VPS26B: variants seen among roughly 807,000 people sequenced by gnomAD.
The protein encoded by VPS26B is vacuolar protein sorting-associated protein 26B.
Under a neutral mutation model 33.3 loss-of-function variants are expected in VPS26B, and 10 were observed. The observed-to-expected ratio is 0.30, with a 90% CI of 0.19 to 0.51. VPS26B has a LOEUF of 0.51. VPS26B is among the 20% of genes least tolerant of loss of function. The probability of loss-of-function intolerance (pLI) is 0.98; values close to 1 mark genes in which losing one functional copy is unlikely to be tolerated. For synonymous variants in VPS26B, 190 were observed against 176.9 expected (o/e 1.07, Z -0.59); for missense variants, 317 against 452.7 (o/e 0.70, Z 2.72).
intron 1 of VPS26B, among the ~76,000 whole-genome samples, chr11:134,227,009 T>C (rs184658408): frequency 1.2e-4 from 19 of 152,266 alleles, no homozygotes; most frequent in Non-Finnish European, 2.4e-4. Flanking sequence ...TGCTTCTGGG[T>C]TCAATGGTGG....
At position 134,245,090 on chromosome 11, in the gene VPS26B, A is replaced by G. The variant is rs1174769399; in HGVS notation, c.864+10A>G. On this transcript the variant is annotated intron_variant, in intron 5 of 5. Transcript: ENST00000281187. This position sits in a 1 kb window ranked among gnomAD's most constrained non-coding sequence, Gnocchi z 4.7. Reference sequence around the variant, plus strand: ...CTACTTCAAGCAGCAGGTGAGGGCCAGGCTCCTCCAGGCCCCGATGCCCTT... The same window carrying G: ...CTACTTCAAGCAGCAGGTGAGGGCCGGGCTCCTCCAGGCCCCGATGCCCTT... 6.2e-7 allele frequency: 1 copy of G among 1,613,538 alleles called. No homozygotes were observed. Among genetic ancestry groups the G allele is most frequent in the African/African-American group, 1.3e-5 (1 of 74,942 alleles).
At chr11:134,235,254 G>A (rs2136049144) in intron 2 of VPS26B, 1 of 592,490 alleles carries the variant, frequency 1.7e-6, no homozygotes, top group South Asian at 2.2e-5. Context: ...GTCAATTTCT[G>A]TAGTGTACAT....
At chr11:134,228,980 C>T (rs975742012) in intron 1 of VPS26B, among the ~76,000 whole-genome samples, 1 of 152,174 alleles carries the variant, frequency 6.6e-6, no homozygotes, top group African/African-American at 2.4e-5. Flanking sequence ...TTTATCCTGT[C>T]ACTTGCTGTG....
intron 2 of VPS26B, among the ~76,000 whole-genome samples, chr11:134,238,252 G>A (rs186757004): frequency 6.6e-6 from 1 of 152,324 alleles, no homozygotes; most frequent in East Asian, 1.9e-4. Context: ...GAGGTCTTGA[G>A]AGGGAGAGGT....
chr11:134,234,729 A>AGG (rs1221843896), intron 1 of VPS26B, among the ~76,000 whole-genome samples, 168 bp from the exon 2 acceptor site: 1 of 152,122 alleles, frequency 6.6e-6, no homozygotes, highest in Non-Finnish European at 1.5e-5. Flanking sequence ...GAGAAGAAGG[A>AGG]GGGAGTGAAA....
intron 2 of VPS26B, among the ~76,000 whole-genome samples, chr11:134,238,697 G>A (rs951915600): frequency 9.9e-5 from 15 of 152,254 alleles, no homozygotes; most frequent in South Asian, 8.3e-4. Context: ...CTGGGTTCAC[G>A]CCATTCTCCT....
At position 134,239,987 on chromosome 11, in the gene VPS26B, A is replaced by G. The variant is rs763395690; in HGVS notation, c.381-4A>G. ...TTTATTCATGACAGTTCCGTCTCCT[A>G]CAGCTATTTCCTTCGTGCTACCATC... On this transcript the variant is annotated splice_polypyrimidine_tract_variant and splice_region_variant and intron_variant, in intron 2 of 5. Transcript: ENST00000281187. The G allele has an allele frequency of 4.3e-6, 7 of 1,613,994 alleles. No individual in the cohort carries two copies. The highest frequency in any genetic ancestry group is 5.9e-6 in the Non-Finnish European group (7 of 1,180,022).
intron 2 of VPS26B, among the ~76,000 whole-genome samples, chr11:134,239,499 A>G (rs567567848): frequency 6.6e-6 from 1 of 152,230 alleles, no homozygotes; most frequent in South Asian, 2.1e-4. Flanking sequence ...AGAAAGGTTT[A>G]TTGGGACACT....
intron 1 of VPS26B, among the ~76,000 whole-genome samples, chr11:134,231,018 A>G (rs1280087253): frequency 2.6e-5 from 4 of 152,352 alleles, no homozygotes; most frequent in East Asian, 1.9e-4. Context: ...TGTAAGGAGC[A>G]CTGCAAGGAA....
intron 2 of VPS26B, among the ~76,000 whole-genome samples, chr11:134,238,658 TG>T (rs1242963537): frequency 3.3e-5 from 5 of 152,180 alleles, no homozygotes; most frequent in Non-Finnish European, 7.3e-5. Flanking sequence ...TGCAGTGGCT[TG>T]ATCTCGGCTC....
intron 2 of VPS26B, 106 bp downstream of exon 2, chr11:134,235,159 G>A: frequency 7.0e-7 from 1 of 1,419,102 alleles, no homozygotes; most frequent in Non-Finnish European, 9.5e-7. Flanking sequence ...ATCCCGAGAA[G>A]GAAGAGTGTC....
At position 134,244,800 on chromosome 11, in the gene VPS26B, A is replaced by C. The variant is rs146229720; in HGVS notation, c.722-138A>C. 1 of 1,219,300 alleles carries C rather than the reference A, an allele frequency of 8.2e-7. No homozygotes were observed. The highest frequency in any genetic ancestry group is 1.1e-6 in the Non-Finnish European group (1 of 906,330). The allele number at this position is 1,219,300 out of a possible 1,614,324, so 75.5% of individuals were successfully genotyped here. On this transcript the variant is annotated intron_variant, in intron 4 of 5. Transcript: ENST00000281187. The surrounding 1 kb of genome is among the most constrained non-coding windows in gnomAD (Gnocchi z 4.0). ...GTTTCAGCCACCTGCTGGGCAGCAG[A>C]GCGACTGCACCTTCCCAGAAGGCTG... is the stretch of plus-strand genomic sequence containing the variant.
chr11:134,235,725 A>G (rs1426708668), intron 2 of VPS26B: 1 of 152,230 alleles, frequency 6.6e-6, no homozygotes, highest in Non-Finnish European at 1.5e-5. Context: ...TAAAATGTGA[A>G]CACATAGGTA....
In VPS26B at chr11:134,245,158, C is replaced by T; in HGVS notation, c.864+78C>T. On this transcript the variant is annotated intron_variant, in intron 5 of 5. Transcript: ENST00000281187. This position sits in a 1 kb window ranked among gnomAD's most constrained non-coding sequence, Gnocchi z 4.7. Reference sequence around the variant, plus strand: ...TCTCTTTCCTATGGAAGGTCAGACTCCATTTTTGCCAAGAGGTGGGAACAT... The same window carrying T: ...TCTCTTTCCTATGGAAGGTCAGACTTCATTTTTGCCAAGAGGTGGGAACAT... 2 of 1,548,638 alleles carry T rather than the reference C, an allele frequency of 1.3e-6. No homozygotes were observed. The highest frequency in any genetic ancestry group is 4.0e-5 in the Admixed American group (2 of 50,202).
rs542449882 is a variant in VPS26B, at chr11:134,247,502, C to T, written c.*1912C>T. The T allele has an allele frequency of 6.6e-6, 1 of 152,546 alleles. No homozygotes were observed. The highest frequency in any genetic ancestry group is 2.4e-5 in the African/African-American group (1 of 41,554). The allele number at this position is 152,546 out of a possible 1,614,324, so 9.4% of individuals were successfully genotyped here. A position where few individuals can be genotyped will look rare whatever the true frequency, so the allele number is the denominator to read the frequency against. ...GATTCTCTCAGGCGCTGTGCACAAG[C>T]CAGGTCTTCTGTTTTCTCTTTCTTA... On this transcript the variant is annotated 3_prime_UTR_variant, in exon 6 of 6. Coordinates refer to ENST00000281187, the MANE Select transcript of VPS26B (RefSeq NM_052875.5).
rs1565359334 is a variant in VPS26B, at chr11:134,244,994, C to T, written c.778C>T (p.Arg260Trp). Residue 260 changes from arginine to tryptophan, a missense_variant, in exon 5 of 6, where the codon CGG (arginine) becomes TGG (tryptophan). Coordinates refer to ENST00000281187, the MANE Select transcript of VPS26B (RefSeq NM_052875.5). The surrounding 1 kb of genome is among the most constrained non-coding windows in gnomAD (Gnocchi z 4.0). ...CGGGTATGAGCTCACGCCCACCATG[C>T]GGGACATCAACAAGAAGTTCTCTGT... ...LAGYELTPTM[R>W]DINKKFSVRY... The T allele has an allele frequency of 1.2e-6, 2 of 1,614,110 alleles. No homozygotes were observed. The highest frequency in any genetic ancestry group is 1.7e-6 in the Non-Finnish European group (2 of 1,180,032).
chr11:134,235,102 G>A (rs1468953493), intron 2 of VPS26B, 49 bp downstream of exon 2: 8 of 1,582,398 alleles, frequency 5.1e-6, no homozygotes, highest in Non-Finnish European at 6.9e-6. Flanking sequence ...CCTGCCCCAT[G>A]TGGACAAGGA....
intron 2 of VPS26B, chr11:134,235,309 T>C: frequency 2.8e-6 from 1 of 359,812 alleles, no homozygotes; most frequent in Non-Finnish European, 5.0e-6. Flanking sequence ...TTCCTAAATG[T>C]AGAGGTGGGA....
At position 134,245,632 on chromosome 11, in the gene VPS26B, C is replaced by A. The variant is rs1261875103; in HGVS notation, c.*42C>A. 6.4e-7 allele frequency: 1 copy of A among 1,568,688 alleles called. No individual in the cohort carries two copies. The highest frequency in any genetic ancestry group is 8.6e-7 in the Non-Finnish European group (1 of 1,158,782). On this transcript the variant is annotated 3_prime_UTR_variant, in exon 6 of 6. Coordinates refer to ENST00000281187, the MANE Select transcript of VPS26B (RefSeq NM_052875.5). This position sits in a 1 kb window ranked among gnomAD's most constrained non-coding sequence, Gnocchi z 4.7. ...AGATGCTGGGCACCCACCCAGCACC[C>A]CCATCTACCAACACCAGCGGCTGGG...
Sources: allele counts gnomAD v4.1 joint callset (sites outside exome capture counted in the v4.1 genomes callset), GRCh38; gene constraint gnomAD v4.1.1; non-coding constraint Gnocchi (gnomAD v3.1); transcripts MANE v1.5; gene names NCBI Gene and HGNC (gene_info 2026-07-23, HGNC 2026-07-21).